WHRN: variants seen among roughly 807,000 people sequenced by gnomAD.
WHRN encodes the protein CASK-interacting protein CIP98.
WHRN carries 41 observed loss-of-function variants against 68.3 expected under a neutral mutation model. The observed-to-expected ratio is 0.60, with a 90% confidence interval of 0.47 to 0.78. The LOEUF (loss-of-function observed/expected upper bound fraction) is 0.78, where lower values mean the gene tolerates loss of function less well. Ranked by LOEUF, WHRN falls within the 30% of genes least tolerant of loss-of-function variation. The probability of loss-of-function intolerance (pLI) is 0.00; values close to 1 mark genes in which losing one functional copy is unlikely to be tolerated. For synonymous variants in WHRN, 560 were observed against 561.3 expected, an observed-to-expected ratio of 1.00 and a Z score of 0.03; for missense variants, 1,243 against 1,244.7, an observed-to-expected ratio of 1.00 and a Z score of 0.02.
At chr9:114,456,826 CAAAAA>C (rs58142457) in intron 3 of WHRN, among the ~76,000 whole-genome samples, 2 of 141,242 alleles carry the variant, frequency 1.4e-5, no homozygotes, top group African/African-American at 2.7e-5. Context: ...AAGACTATCT[CAAAAA>C]AAAAAAAAAA....
At chr9:114,415,941 G>A (rs763134868) in intron 7 of WHRN, among the ~76,000 whole-genome samples, 8 of 152,098 alleles carry the variant, frequency 5.3e-5, no homozygotes, top group Non-Finnish European at 7.4e-5. Flanking sequence ...AGGGGTCCCT[G>A]CAGCTGGAGG....
At position 114,452,371 on chromosome 9, in the gene WHRN, C is replaced by T. The variant is rs529930588; in HGVS notation, c.963+13896G>A. Among the ~76,000 whole-genome samples the T allele has an allele frequency of 2.6e-5, 4 of 152,320 alleles. No individual in the cohort carries two copies. In the South Asian group the frequency reaches 8.3e-4, roughly 32 times the overall value. ...AGCTGGCTGGCCGGCTGCCAAGGGG[C>T]GTCAGCCTGAGTTTCCATCACGCAA... On this transcript the variant is annotated intron_variant, in intron 3 of 11. Transcript: ENST00000362057.
intron 1 of WHRN, among the ~76,000 whole-genome samples, chr9:114,490,489 A>G (rs1002881166): frequency 6.6e-5 from 10 of 152,192 alleles, no homozygotes; most frequent in African/African-American, 2.2e-4. Context: ...ATAGGAGAGT[A>G]TTTAAGGAAA....
At chr9:114,484,079 A>G (rs1842299684) in intron 1 of WHRN, among the ~76,000 whole-genome samples, 1 of 152,184 alleles carries the variant, frequency 6.6e-6, no homozygotes. Flanking sequence ...GGGGGCTCTG[A>G]GGTTCCACAG....
intron 1 of WHRN, among the ~76,000 whole-genome samples, chr9:114,481,511 T>C (rs1209458908): frequency 6.6e-6 from 1 of 152,058 alleles, no homozygotes; most frequent in African/African-American, 2.4e-5. Context: ...TGGAAAGTGG[T>C]TCAGGGCACA....
At chr9:114,464,405 G>C (rs1008905561) in intron 3 of WHRN, among the ~76,000 whole-genome samples, 1 of 152,176 alleles carries the variant, frequency 6.6e-6, no homozygotes, top group African/African-American at 2.4e-5. Context: ...AGCAGGTTCA[G>C]TGTCTGGTGA....
At chr9:114,499,532 A>G (rs1249730231) in intron 1 of WHRN, among the ~76,000 whole-genome samples, 1 of 152,234 alleles carries the variant, frequency 6.6e-6, no homozygotes, top group African/African-American at 2.4e-5. Flanking sequence ...CTTCCAGGTC[A>G]TAAAAGAACC....
At chr9:114,443,135 AC>A (rs1030928201) in intron 3 of WHRN, among the ~76,000 whole-genome samples, 25 of 152,224 alleles carry the variant, frequency 1.6e-4, no homozygotes, top group African/African-American at 6.0e-4. Flanking sequence ...CCAGCACCAA[AC>A]AATGGAAGAA....
intron 1 of WHRN, among the ~76,000 whole-genome samples, chr9:114,491,235 T>C (rs148892377): frequency 0.012 from 1,755 of 152,354 alleles, 86 homozygotes; most frequent in Admixed American, 0.083. Flanking sequence ...TCATCACTTT[T>C]TGACAATTCT....
chr9:114,475,159 C>CA (rs1172598183), intron 2 of WHRN, among the ~76,000 whole-genome samples: 3 of 152,000 alleles, frequency 2.0e-5, no homozygotes, highest in Admixed American at 6.6e-5. Flanking sequence ...GGTATGTATC[C>CA]AAAAAAATTA....
intron 6 of WHRN, 32 bp from the exon 7 acceptor site, chr9:114,423,555 G>C (rs1836518603): frequency 6.3e-7 from 1 of 1,585,518 alleles, no homozygotes; most frequent in South Asian, 1.1e-5. Context: ...GCACTCAGCA[G>C]GGAGCGCTAC....
At chr9:114,497,282 C>A (rs79230701) in intron 1 of WHRN, among the ~76,000 whole-genome samples, 3,254 of 152,140 alleles carry the variant, frequency 0.021, 36 homozygotes, top group Admixed American at 0.034. Flanking sequence ...AAAATCATGA[C>A]GAAACTGGCT....
At chr9:114,413,669 C>T (rs555826494) in intron 7 of WHRN, among the ~76,000 whole-genome samples, 1 of 152,306 alleles carries the variant, frequency 6.6e-6, no homozygotes, top group South Asian at 2.1e-4. Flanking sequence ...AACTGGGCCC[C>T]GCACTGGCTG....
intron 1 of WHRN, among the ~76,000 whole-genome samples, chr9:114,495,181 G>A (rs576880258): frequency 1.3e-5 from 2 of 152,392 alleles, no homozygotes; most frequent in South Asian, 4.1e-4. Flanking sequence ...ACACCAGGTT[G>A]AGGAGCTTGG....
At chr9:114,500,308 C>T (rs775136604) in intron 1 of WHRN, among the ~76,000 whole-genome samples, 9 of 152,224 alleles carry the variant, frequency 5.9e-5, no homozygotes, top group South Asian at 4.1e-4. Flanking sequence ...GGAACAAGAC[C>T]GGGGCAGAAG....
chr9:114,474,941 G>T (rs1841529026), intron 2 of WHRN, among the ~76,000 whole-genome samples: 1 of 152,110 alleles, frequency 6.6e-6, no homozygotes, highest in Non-Finnish European at 1.5e-5. Context: ...AGACAGATCA[G>T]GAAAAAACTC....
chr9:114,478,571 T>C lies in WHRN; in HGVS notation c.819A>G (p.Gln273=). 2 of 1,614,084 alleles carry C rather than the reference T, an allele frequency of 1.2e-6. No homozygotes were observed. The highest frequency in any genetic ancestry group is 1.7e-6 in the Non-Finnish European group (2 of 1,179,962). Residue 273 remains glutamine, a synonymous_variant, in exon 2 of 12, where the codon CAA becomes CAG. Transcript: ENST00000362057. ...CACTCACCTTTTTCTCATCCCCTCC[T>C]TGCAGGAGGTGCAGGGTGCTCCTCC... ...GDRRSTLHLL[Q]GGDEKKVNLV... is the part of the protein sequence containing the mutation.
At position 114,402,741 on chromosome 9, in the gene WHRN, C is replaced by T. The variant is rs764100769; in HGVS notation, c.*13G>A. 3 of 1,613,654 alleles carry T rather than the reference C, an allele frequency of 1.9e-6. No homozygotes were observed. The highest frequency in any genetic ancestry group is 3.3e-5 in the Admixed American group (2 of 60,030). On this transcript the variant is annotated 3_prime_UTR_variant, in exon 12 of 12. Transcript: ENST00000362057. ...GGGCTGGGCAGTGGTGGGAGGCCCTCAGGCCTTGGCCTCTAGAGCATCACA... is the reference window on the plus strand; with the variant it reads ...GGGCTGGGCAGTGGTGGGAGGCCCTTAGGCCTTGGCCTCTAGAGCATCACA...
intron 3 of WHRN, among the ~76,000 whole-genome samples, chr9:114,427,392 AC>A (rs1940338494): frequency 1.3e-5 from 2 of 152,194 alleles, no homozygotes; most frequent in Admixed American, 1.3e-4. Context: ...ATGGGACCGC[AC>A]CTTTAAACTC....
Sources: gnomAD v4.1 joint callset for allele counts (sites outside exome capture counted in the v4.1 genomes callset) on GRCh38, gnomAD v4.1.1 for gene constraint, MANE v1.5 for transcripts, NCBI Gene and HGNC (gene_info 2026-07-23, HGNC 2026-07-21) for gene names.